The following DCHS1 variants were observed in gnomAD, a reference collection of about 807,000 sequenced individuals.
DCHS1 encodes dachsous cadherin-related 1.
Under a neutral mutation model 213.9 loss-of-function variants are expected in DCHS1, and 78 were observed. The ratio of observed to expected loss-of-function variants is 0.36; its 90% CI spans 0.30 to 0.44. The LOEUF is 0.44. Among genes scored for constraint, DCHS1 ranks in the 20% least tolerant of loss-of-function variants. The pLI is 1.00. For synonymous variants in DCHS1, 1,828 were observed against 1,873.7 expected (o/e 0.98, Z 0.63); for missense variants, 3,946 against 4,395.9 (o/e 0.90, Z 2.89).
At position 6,641,794 on chromosome 11, in the gene DCHS1, T is replaced by C. The variant is rs751209807; in HGVS notation, c.-120-61A>G. The C allele has an allele frequency of 1.7e-4, 223 of 1,348,514 alleles. No individual in the cohort carries two copies. Among genetic ancestry groups the C allele is most frequent in the Middle Eastern group, 2.7e-4 (1 of 3,756 alleles). The allele number at this position is 1,348,514 out of a possible 1,614,324, so 83.5% of individuals were successfully genotyped here. A position where few individuals can be genotyped will look rare whatever the true frequency, so the allele number is the denominator to read the frequency against. On this transcript the variant is annotated intron_variant, in intron 1 of 20. Transcript: ENST00000299441. This position sits in a 1 kb window ranked among gnomAD's most constrained non-coding sequence, Gnocchi z 7.1. ...GGAGGGATCAGCAGTCCAGATAACC[T>C]GGACGAGGCCACATCAACATTCAGA...
At chr11:6,646,277 G>C (rs1393866902) in intron 1 of DCHS1, among the ~76,000 whole-genome samples, 2 of 152,172 alleles carry the variant, frequency 1.3e-5, no homozygotes, top group Non-Finnish European at 2.9e-5. Context: ...CTCGTGGTCA[G>C]CTCTGCGGCT....
In DCHS1 at chr11:6,630,593, G is replaced by T; in HGVS notation, c.4201C>A (p.Pro1401Thr). ...ARPLDFEAGP[P>T]WRALTVRAEG... ...GCGCGTACCGTAAGCGCGCGCCACGGCGGGCCAGCTTCGAAGTCCAGGGGC... is the reference window on the plus strand; with the variant it reads ...GCGCGTACCGTAAGCGCGCGCCACGTCGGGCCAGCTTCGAAGTCCAGGGGC... Residue 1401 changes from proline to threonine, a missense_variant, in exon 10 of 21, where the codon CCG (proline) becomes ACG (threonine). Around this residue, in one of 3 missense-constraint regions of DCHS1, gnomAD observed 3,384 missense variants for 3,780.1 expected, o/e 0.90. Transcript: ENST00000299441. 1 of 1,540,608 alleles carries T rather than the reference G, an allele frequency of 6.5e-7. No homozygotes were observed.
chr11:6,624,629 G>C (rs1216863486), intron 20 of DCHS1, 101 bp downstream of exon 20: 1 of 1,539,874 alleles, frequency 6.5e-7, no homozygotes, highest in African/African-American at 1.4e-5. Context: ...CTAGGCCAGA[G>C]ATCCAGGAGT....
In DCHS1 at chr11:6,649,758, TA is replaced by T. The variant is rs1856218717; in HGVS notation, c.-121+5804del. ...TAGTGACATGCAGCAAGGGTTGCCC[TA>T]AATTCTGACCCTGACAATCAGGGTC... is the stretch of plus-strand genomic sequence containing the variant. On this transcript the variant is annotated intron_variant, in intron 1 of 20. Coordinates refer to ENST00000299441, the MANE Select transcript of DCHS1 (RefSeq NM_003737.4). 2.0e-5 allele frequency among the ~76,000 whole-genome samples: 3 copies of T among 151,996 alleles called. 1 individual carries two copies. The South Asian group carries it at 6.2e-4, about 32-fold the overall frequency.
In DCHS1 at chr11:6,630,343, G is replaced by C. The variant is rs1855881001; in HGVS notation, c.4451C>G (p.Pro1484Arg). ...GGTGCGCGCGTCCAGGCGAAGCGCC[G>C]GCACGGGCGGCTCCTGGCGCAGCAG... is the stretch of plus-strand genomic sequence containing the variant. ...YRLLRQEPPV[P>R]ALRLDARTGA... Residue 1484 changes from proline (P) to arginine (R), a missense_variant, in exon 10 of 21, where the codon CCG (proline) becomes CGG (arginine). Transcript: ENST00000299441. 1.5e-6 allele frequency: 2 copies of C among 1,309,906 alleles called. No individual in the cohort carries two copies. The allele number at this position is 1,309,906 out of a possible 1,614,324, so 81.1% of individuals were successfully genotyped here. A position where few individuals can be genotyped will look rare whatever the true frequency, so the allele number is the denominator to read the frequency against.
At position 6,624,129 on chromosome 11, in the gene DCHS1, G is replaced by A. The variant is rs537790315; in HGVS notation, c.7547C>T (p.Ala2516Val). ...ATDADGSRSH[A>V]AVDYSIISGN... ...ACTGATGATGCTGTAGTCCACAGCG[G>A]CATGGCTGCGGCTTCCATCAGCATC... Residue 2516 changes from alanine (A) to valine (V), a missense_variant, in exon 21 of 21, where the codon GCC (alanine) becomes GTC (valine). Physicochemically the swap from Ala to Val is moderately conservative, Grantham distance 64. Around this residue, in one of 3 missense-constraint regions of DCHS1, gnomAD observed 3,384 missense variants for 3,780.1 expected, o/e 0.90. Coordinates refer to ENST00000299441, the MANE Select transcript of DCHS1 (RefSeq NM_003737.4). The A allele has an allele frequency of 1.2e-6, 2 of 1,611,384 alleles. No homozygotes were observed. Among genetic ancestry groups the A allele is most frequent in the Admixed American group, 1.7e-5 (1 of 59,564 alleles).
intron 7 of DCHS1, 52 bp from the exon 8 acceptor site, chr11:6,631,459 T>C: frequency 6.2e-7 from 1 of 1,610,738 alleles, no homozygotes; most frequent in Non-Finnish European, 8.5e-7. Context: ...TTCAGACAAC[T>C]CAGGATAAAG....
At chr11:6,631,513 C>T (rs1855907400) in intron 7 of DCHS1, 103 bp downstream of exon 7, 3 of 1,583,068 alleles carry the variant, frequency 1.9e-6, no homozygotes, top group Non-Finnish European at 2.6e-6. Context: ...TCGGCTCTCA[C>T]ACCCAATCCA....
Position 6,625,819 on chromosome 11 carries a change from G to T in DCHS1, c.6732-92C>A. 15 of 1,579,824 alleles carry T rather than the reference G, an allele frequency of 9.5e-6. No homozygotes were observed. Among genetic ancestry groups the T allele is most frequent in the Non-Finnish European group, 1.3e-5 (15 of 1,161,832 alleles). On this transcript the variant is annotated intron_variant, in intron 17 of 20. Coordinates refer to ENST00000299441, the MANE Select transcript of DCHS1 (RefSeq NM_003737.4). The surrounding 1 kb of genome is among the most constrained non-coding windows in gnomAD (Gnocchi z 5.3). ...GGACTCAGGACAGAGCTTAGGGCTG[G>T]GGAATTCAGGATGTGGCCAAGGGAC...
At chr11:6,634,427 A>G in intron 2 of DCHS1, 121 bp from the exon 3 acceptor site, 3 of 1,176,844 alleles carry the variant, frequency 2.5e-6, no homozygotes, top group Middle Eastern at 3.0e-4. Context: ...AGAGAGGACT[A>G]GTAGGACATG....
rs1205744272 is a variant in DCHS1 at position 6,639,934 on chromosome 11, G to A, written c.1680C>T (p.Ser560=). 6.2e-7 allele frequency: 1 copy of A among 1,614,056 alleles called. No homozygotes were observed. The highest frequency in any genetic ancestry group is 1.7e-5 in the Admixed American group (1 of 60,032). The part of the protein sequence containing the change: ...ATDGGLPPLA[S]SATVSVALQD... ...GCAGGGCCACGCTAACTGTGGCAGA[G>A]GAGGCTAGAGGGGGCAGGCCACCAT... The change falls in exon 2 of 21, where the codon TCC becomes TCT. Residue 560 remains serine (S), a synonymous_variant. Transcript: ENST00000299441.
At position 6,622,107 on chromosome 11, in the gene DCHS1, G is replaced by A. The variant is rs763987147; in HGVS notation, c.9569C>T (p.Ala3190Val). ...ACGGGGAGCTGGGGGACATGGCCGA[G>A]CTTCATCCTTGAGCCGAGCGATCTC... The part of the protein sequence containing the change: ...FTEIARLKDE[A>V]RPCPPAPRID... Residue 3190 changes from alanine (A) to valine (V), a missense_variant, in exon 21 of 21, where the codon GCT becomes GTT. Physicochemically the swap from Ala to Val is moderately conservative, Grantham distance 64. Coordinates refer to ENST00000299441, the MANE Select transcript of DCHS1 (RefSeq NM_003737.4). This position sits in a 1 kb window ranked among gnomAD's most constrained non-coding sequence, Gnocchi z 5.4. 26 of 1,613,294 alleles carry A rather than the reference G, an allele frequency of 1.6e-5. No homozygotes were observed. Among genetic ancestry groups the A allele is most frequent in the Admixed American group, 3.3e-5 (2 of 60,010 alleles).
Position 6,624,403 on chromosome 11 carries a change from C to T in DCHS1, c.7286-13G>A, listed in dbSNP as rs763897571. Reference sequence around the variant, plus strand: ...GTGAACAGGGTCCCTGAGATGAGAACGGAAGGGAAAGAAATATATTCAGCA... The same window carrying T: ...GTGAACAGGGTCCCTGAGATGAGAATGGAAGGGAAAGAAATATATTCAGCA... On this transcript the variant is annotated splice_polypyrimidine_tract_variant and intron_variant, in intron 20 of 20. Coordinates refer to ENST00000299441, the MANE Select transcript of DCHS1 (RefSeq NM_003737.4). 94 of 1,534,758 alleles carry T rather than the reference C, an allele frequency of 6.1e-5. No individual in the cohort carries two copies. The highest frequency in any genetic ancestry group is 2.0e-4 in the South Asian group (17 of 83,692).
At chr11:6,642,516 T>C (rs1297304026) in intron 1 of DCHS1, among the ~76,000 whole-genome samples, 13 of 150,174 alleles carry the variant, frequency 8.7e-5, no homozygotes. Context: ...AGCTAGGCAA[T>C]GGTGGCCAGA....
Position 6,632,364 on chromosome 11 carries a change from G to C in DCHS1, c.3148C>G (p.Gln1050Glu). 1 of 1,613,934 alleles carries C rather than the reference G, an allele frequency of 6.2e-7. No homozygotes were observed. Among genetic ancestry groups the C allele is most frequent in the Non-Finnish European group, 8.5e-7 (1 of 1,179,844 alleles). ...GASSPFGLEP[Q>E]SGWLWVRAAL... ...GCCCGCACCCATAGCCACCCACTCT[G>C]TGGCTCCAGGCCAAAGGGGCTACTT... Residue 1050 changes from glutamine to glutamate, a missense_variant, in exon 6 of 21, where the codon CAG (glutamine) becomes GAG (glutamate). Gln to Glu is a conservative substitution (Grantham distance 29, BLOSUM62 2). Transcript: ENST00000299441. This position sits in a 1 kb window ranked among gnomAD's most constrained non-coding sequence, Gnocchi z 5.9.
Position 6,626,386 on chromosome 11 carries a change from C to T in DCHS1, c.6365-6G>A, listed in dbSNP as rs139304730. The T allele has an allele frequency of 1.7e-4, 267 of 1,612,474 alleles. No individual in the cohort carries two copies. The highest frequency in any genetic ancestry group is 4.2e-4 in the Admixed American group (25 of 59,818). On this transcript the variant is annotated splice_region_variant and splice_polypyrimidine_tract_variant and intron_variant, in intron 15 of 20. Transcript: ENST00000299441. This position sits in a 1 kb window ranked among gnomAD's most constrained non-coding sequence, Gnocchi z 5.2. ...TGAGCGAACTGTGATGGCACCTGGG[C>T]GAGATAGAATGCATCAGTGATAGCC...
Position 6,623,300 on chromosome 11 carries a change from A to T in DCHS1, c.8376T>A (p.Asn2792Lys). The change falls in exon 21 of 21, where the codon AAT (asparagine) becomes AAA (lysine). Residue 2792 changes from asparagine (N) to lysine (K), a missense_variant. By Grantham distance (94) the Asn-to-Lys change is moderately conservative. Around this residue, in one of 3 missense-constraint regions of DCHS1, gnomAD observed 3,384 missense variants for 3,780.1 expected, o/e 0.90. Coordinates refer to ENST00000299441, the MANE Select transcript of DCHS1 (RefSeq NM_003737.4). ...RLLVGAADAG[N>K]LSASVTVSVL... ...CCGACACAGTGACAGAGGCTGAGAG[A>T]TTCCCAGCATCAGCAGCACCCACCA... is the stretch of plus-strand genomic sequence containing the variant. 6.3e-7 allele frequency: 1 copy of T among 1,589,800 alleles called. No individual in the cohort carries two copies. The highest frequency in any genetic ancestry group is 1.8e-5 in the Admixed American group (1 of 56,700).
rs1856305942 is a variant in DCHS1 at position 6,655,674 on chromosome 11, C to A, written c.-232G>T. Reference sequence around the variant, plus strand: ...CCTGAGGCCGCGCATCGTCCGCAGTCGCTGTCTCCGAGGCCCGCGATCCCC... The same window carrying A: ...CCTGAGGCCGCGCATCGTCCGCAGTAGCTGTCTCCGAGGCCCGCGATCCCC... On this transcript the variant is annotated 5_prime_UTR_variant, in exon 1 of 21. Transcript: ENST00000299441. 1.0e-6 allele frequency: 1 copy of A among 979,402 alleles called. No homozygotes were observed. The highest frequency in any genetic ancestry group is 1.2e-6 in the Non-Finnish European group (1 of 827,078). The allele number at this position is 979,402 out of a possible 1,614,324, so 60.7% of individuals were successfully genotyped here.
chr11:6,626,497 G>C lies in DCHS1; in HGVS notation c.6364+55C>G. 3.7e-6 allele frequency: 6 copies of C among 1,606,934 alleles called. No individual in the cohort carries two copies. Among genetic ancestry groups the C allele is most frequent in the Non-Finnish European group, 5.1e-6 (6 of 1,174,532 alleles). On this transcript the variant is annotated intron_variant, in intron 15 of 20. Transcript: ENST00000299441. This position sits in a 1 kb window ranked among gnomAD's most constrained non-coding sequence, Gnocchi z 5.2. Reference sequence around the variant, plus strand: ...CCATCAAAGGCTCCTCTGATGCAAAGAACCTGCTTCCCCAGTAGCCTGTCC... The same window carrying C: ...CCATCAAAGGCTCCTCTGATGCAAACAACCTGCTTCCCCAGTAGCCTGTCC...
Sources: gnomAD v4.1 joint callset for allele counts (sites outside exome capture counted in the v4.1 genomes callset) on GRCh38, gnomAD v4.1.1 for gene constraint, gnomAD v4.1.1 regional missense constraint, Gnocchi (gnomAD v3.1) non-coding constraint, MANE v1.5 for transcripts, NCBI Gene and HGNC (gene_info 2026-07-23, HGNC 2026-07-21) for gene names.